The following TTC21B variants were observed in gnomAD, a reference collection of about 807,000 sequenced individuals.
TTC21B encodes tetratricopeptide repeat domain 21B.
In TTC21B, 127 loss-of-function variants were observed where a neutral mutation model predicts 175.1. The observed-to-expected ratio is 0.73, with a 90% CI of 0.63 to 0.84. TTC21B has a LOEUF of 0.84. Ranked by LOEUF, TTC21B falls within the 40% of genes least tolerant of loss-of-function variation. The pLI, the probability that TTC21B is intolerant of heterozygous loss-of-function variation, is 0.00. For synonymous variants in TTC21B, 524 were observed against 524.5 expected (o/e 1.00, Z 0.01); for missense variants, 1,561 against 1,558.3 (o/e 1.00, Z -0.03).
chr2:165,878,681 T>A lies in TTC21B; in HGVS notation c.3805+1998A>T, dbSNP rs1352892237. ...TTCTATGGAAAGAGCATGAGCACGA[T>A]TTTTTTTTTTTTTTTTTTGAGACAG... On this transcript the variant is annotated intron_variant, in intron 27 of 28. Coordinates refer to ENST00000243344, the MANE Select transcript of TTC21B (RefSeq NM_024753.5). 4.4e-5 allele frequency among the ~76,000 whole-genome samples: 4 copies of A among 91,570 alleles called. No individual in the cohort carries two copies. In the Admixed American group the frequency reaches 5.0e-4, roughly 11 times the overall value. The allele number at this position is 91,570 out of a possible 152,430, so 60.1% of individuals were successfully genotyped here. A position where few individuals can be genotyped will look rare whatever the true frequency, so the allele number is the denominator to read the frequency against.
At position 165,890,578 on chromosome 2, in the gene TTC21B, C is replaced by A. The variant is rs772612775; in HGVS notation, c.3164G>T (p.Trp1055Leu). The A allele has an allele frequency of 6.2e-7, 1 of 1,613,738 alleles. No individual in the cohort carries two copies. The highest frequency in any genetic ancestry group is 1.1e-5 in the South Asian group (1 of 91,068). Residue 1055 changes from tryptophan (W) to leucine (L), a missense_variant, in exon 24 of 29, where the codon TGG becomes TTG. Trp to Leu is a moderately conservative substitution (Grantham distance 61). Coordinates refer to ENST00000243344, the MANE Select transcript of TTC21B (RefSeq NM_024753.5). The part of the protein sequence containing the change: ...HFNKARKDRD[W>L]GQNALYNMIE... Reference sequence around the variant, plus strand: ...CATATTATAAAGGGCATTTTGGCCCCAGTCACGATCTTTCCGAGCTTTATT... The same window carrying A: ...CATATTATAAAGGGCATTTTGGCCCAAGTCACGATCTTTCCGAGCTTTATT...
intron 22 of TTC21B, among the ~76,000 whole-genome samples, chr2:165,895,689 T>A (rs1685339141): frequency 6.6e-6 from 1 of 151,696 alleles, no homozygotes; most frequent in Admixed American, 6.6e-5. Context: ...AAAATAAAAG[T>A]AGGTTTGGGC....
intron 14 of TTC21B, 88 bp from the exon 15 acceptor site, chr2:165,915,527 A>G: frequency 9.7e-7 from 1 of 1,027,546 alleles, no homozygotes; most frequent in South Asian, 1.3e-5. Flanking sequence ...CGCAGAATGA[A>G]TAAATGCTAG....
intron 19 of TTC21B, among the ~76,000 whole-genome samples, chr2:165,906,729 T>A (rs1685748047): frequency 6.6e-6 from 1 of 152,046 alleles, no homozygotes; most frequent in Admixed American, 6.6e-5. Flanking sequence ...GGGAATCACC[T>A]GAGGTCAGGA....
chr2:165,913,601 A>C lies in TTC21B; in HGVS notation c.2184T>G (p.Leu728=), dbSNP rs762694220. Residue 728 remains leucine, a synonymous_variant, in exon 16 of 29, where the codon CTT becomes CTG. Transcript: ENST00000243344. ...CTAGAATATTCATGTATGCATCACC[A>C]AGGAGAAGAAAAGACCGAGGGTTAG... ...RMANPRSFLL[L]GDAYMNILEP... The C allele has an allele frequency of 8.7e-6, 14 of 1,613,080 alleles. No homozygotes were observed. Among genetic ancestry groups the C allele is most frequent in the Non-Finnish European group, 1.2e-5 (14 of 1,179,272 alleles).
chr2:165,950,117 G>T (rs1687716632), intron 1 of TTC21B, among the ~76,000 whole-genome samples: 1 of 15,804 alleles, frequency 6.3e-5, no homozygotes, highest in African/African-American at 1.8e-4. Flanking sequence ...CAGACCATAG[G>T]TTTCTTTAAA....
At chr2:165,889,923 A>G (rs1685131171) in intron 24 of TTC21B, among the ~76,000 whole-genome samples, 1 of 152,174 alleles carries the variant, frequency 6.6e-6, no homozygotes, top group Non-Finnish European at 1.5e-5. Flanking sequence ...GAGTCAGAAG[A>G]GAGGACAAGC....
At chr2:165,917,229 C>G (rs768718616) in intron 14 of TTC21B, 28 bp downstream of exon 14, 6 of 1,588,594 alleles carry the variant, frequency 3.8e-6, no homozygotes, top group African/African-American at 1.3e-5. Flanking sequence ...AGTTCACATC[C>G]GAGCCCTTAA....
chr2:165,901,575 G>C, intron 20 of TTC21B, 147 bp downstream of exon 20: 1 of 728,390 alleles, frequency 1.4e-6, no homozygotes, highest in Non-Finnish European at 2.4e-6. Context: ...CACATGCCTT[G>C]GCCTCCCAAA....
intron 6 of TTC21B, among the ~76,000 whole-genome samples, chr2:165,939,115 T>C (rs1687273053): frequency 6.6e-6 from 1 of 152,150 alleles, no homozygotes; most frequent in African/African-American, 2.4e-5. Context: ...GGGAGTTTAG[T>C]CATGTGGTGA....
Position 165,898,700 on chromosome 2 carries a change from A to G in TTC21B, c.2936T>C (p.Leu979Ser). Residue 979 changes from leucine (L) to serine (S), a missense_variant, in exon 22 of 29, where the codon TTA becomes TCA. Coordinates refer to ENST00000243344, the MANE Select transcript of TTC21B (RefSeq NM_024753.5). Reference sequence around the variant, plus strand: ...TAGGTATTTACCTGGCTTACGTTCTAAAAGCTGCTGTAAATGAAACACTGC... The same window carrying G: ...TAGGTATTTACCTGGCTTACGTTCTGAAAGCTGCTGTAAATGAAACACTGC... ...EQAVFHLQQL[L>S]ERKPDNYMTL... The G allele has an allele frequency of 6.2e-7, 1 of 1,611,180 alleles. No individual in the cohort carries two copies. Among genetic ancestry groups the G allele is most frequent in the Non-Finnish European group, 8.5e-7 (1 of 1,177,334 alleles).
chr2:165,913,523 C>T (rs905862558), intron 16 of TTC21B, 51 bp downstream of exon 16: 1 of 1,190,284 alleles, frequency 8.4e-7, no homozygotes, highest in Non-Finnish European at 1.3e-6. Flanking sequence ...AAGTTGTACT[C>T]ATCACAAATA....
At chr2:165,917,686 T>C (rs748897659) in intron 13 of TTC21B, among the ~76,000 whole-genome samples, 1 of 152,150 alleles carries the variant, frequency 6.6e-6, no homozygotes, top group Non-Finnish European at 1.5e-5. Context: ...CCTGCATCCT[T>C]TGAGATGACA....
chr2:165,914,680 T>TGTGTGTGCGCGCGCGTGTGTGCGCGCGC (rs1553511369), intron 15 of TTC21B, among the ~76,000 whole-genome samples: 9 of 144,164 alleles, frequency 6.2e-5, no homozygotes, highest in African/African-American at 2.2e-4. Flanking sequence ...TGTGTGTGTG[T>TGTGTGTGCGCGCGCGTGTGTGCGCGCGC]GTGTGTGTGT....
At chr2:165,914,696 T>TACGTGCGCGC in intron 15 of TTC21B, among the ~76,000 whole-genome samples, 1 of 143,038 alleles carries the variant, frequency 7.0e-6, no homozygotes, top group East Asian at 2.0e-4. Context: ...TGTGTGTGTG[T>TACGTGCGCGC]GTTGTGTATC....
Position 165,930,372 on chromosome 2 carries a change from G to GAA in TTC21B, c.895-10_895-9dup. 1 of 1,556,890 alleles carries GAA rather than the reference G, an allele frequency of 6.4e-7. No individual in the cohort carries two copies. On this transcript the variant is annotated splice_polypyrimidine_tract_variant and intron_variant, in intron 8 of 28. Coordinates refer to ENST00000243344, the MANE Select transcript of TTC21B (RefSeq NM_024753.5). Reference sequence around the variant, plus strand: ...AAGTTGACTACGTCCACACTAAAAAGAAAAAAAAATGATGTAAGATTTCAA... The same window carrying GAA: ...AAGTTGACTACGTCCACACTAAAAAGAAAAAAAAAAATGATGTAAGATTTCAA...
chr2:165,926,349 T>C (rs1686628133), intron 11 of TTC21B, among the ~76,000 whole-genome samples: 1 of 152,324 alleles, frequency 6.6e-6, no homozygotes, highest in Non-Finnish European at 1.5e-5. Context: ...GGAAGCCTTT[T>C]GGTGACTCCC....
intron 11 of TTC21B, among the ~76,000 whole-genome samples, chr2:165,926,319 A>C (rs1210137465): frequency 6.6e-6 from 1 of 152,194 alleles, no homozygotes; most frequent in African/African-American, 2.4e-5. Context: ...TTGAGTTAAA[A>C]TGTTGACTTG....
In TTC21B at chr2:165,874,182, T is replaced by G. The variant is rs937537378; in HGVS notation, c.*573A>C. 1 of 152,170 alleles carries G rather than the reference T, an allele frequency of 6.6e-6. No individual in the cohort carries two copies. The highest frequency in any genetic ancestry group is 1.5e-5 in the Non-Finnish European group (1 of 68,196). 9.4% of individuals were successfully genotyped at this position (152,170 alleles called of 1,614,324 possible). On this transcript the variant is annotated 3_prime_UTR_variant, in exon 29 of 29. Coordinates refer to ENST00000243344, the MANE Select transcript of TTC21B (RefSeq NM_024753.5). ...TAACACGGTGAAATCCCATCTCTAC[T>G]AAAAATACAAAAAATTAGCCGGGTG...
Sources: gnomAD v4.1 joint callset for allele counts (sites outside exome capture counted in the v4.1 genomes callset) on GRCh38, gnomAD v4.1.1 for gene constraint, MANE v1.5 for transcripts, NCBI Gene and HGNC (gene_info 2026-07-23, HGNC 2026-07-21) for gene names.